PIEZO2: variants seen among roughly 807,000 people sequenced by gnomAD.
PIEZO2 encodes piezo-type mechanosensitive ion channel component 2.
A neutral mutation model predicts 337.3 loss-of-function variants in PIEZO2; 172 were observed. The observed-to-expected ratio is 0.51, with a 90% CI of 0.45 to 0.58. The LOEUF (loss-of-function observed/expected upper bound fraction) is 0.58, where lower values mean the gene tolerates loss of function less well. Ranked by LOEUF, PIEZO2 falls within the 20% of genes least tolerant of loss-of-function variation. The pLI is 0.00. For missense variants in PIEZO2, 3,028 were observed against 3,391.3 expected (o/e 0.89, Z 2.66); for synonymous variants, 1,251 against 1,228.5 (o/e 1.02, Z -0.38).
At chr18:11,091,326 G>A (rs2146040882) in intron 1 of PIEZO2, among the ~76,000 whole-genome samples, 1 of 149,532 alleles carries the variant, frequency 6.7e-6, no homozygotes, top group African/African-American at 2.5e-5. Context: ...GGAGGTTGCA[G>A]TGAGTCCAGA....
intron 2 of PIEZO2, among the ~76,000 whole-genome samples, chr18:11,063,779 A>T (rs1438082089): frequency 6.6e-6 from 1 of 152,204 alleles, no homozygotes; most frequent in Non-Finnish European, 1.5e-5. Flanking sequence ...TCAGTTTGCC[A>T]ATGTACTTTC....
At position 11,047,026 on chromosome 18, in the gene PIEZO2, G is replaced by C. The variant is rs2037342013; in HGVS notation, c.160+19101C>G. Reference sequence around the variant, plus strand: ...TTAATATTCTAGTTTATGCAATTCAGAACTACAGTATTAGGTTTTGGTAGC... The same window carrying C: ...TTAATATTCTAGTTTATGCAATTCACAACTACAGTATTAGGTTTTGGTAGC... On this transcript the variant is annotated intron_variant, in intron 2 of 55. Transcript: ENST00000674853. The surrounding 1 kb of genome is among the most constrained non-coding windows in gnomAD (Gnocchi z 7.2). 6.6e-6 allele frequency among the ~76,000 whole-genome samples: 1 copy of C among 152,194 alleles called. No individual in the cohort carries two copies. The highest frequency in any genetic ancestry group is 2.4e-5 in the African/African-American group (1 of 41,456).
chr18:10,785,302 G>A (rs900158133), intron 16 of PIEZO2, among the ~76,000 whole-genome samples: 1 of 152,076 alleles, frequency 6.6e-6, no homozygotes, highest in African/African-American at 2.4e-5. Flanking sequence ...TGGACCTCTA[G>A]AGGCTGAAAT....
At chr18:10,955,282 T>G (rs74939981) in intron 3 of PIEZO2, among the ~76,000 whole-genome samples, 1 of 152,102 alleles carries the variant, frequency 6.6e-6, no homozygotes, top group Non-Finnish European at 1.5e-5. Flanking sequence ...GCAATCGAGG[T>G]TGGGCTCAGG....
chr18:11,107,677 A>G (rs1442342867), intron 1 of PIEZO2, among the ~76,000 whole-genome samples: 4 of 152,218 alleles, frequency 2.6e-5, no homozygotes, highest in African/African-American at 7.2e-5. Flanking sequence ...GCCTAAAATT[A>G]TTAATAAATT....
At position 11,070,444 on chromosome 18, in the gene PIEZO2, G is replaced by A. The variant is rs578032423; in HGVS notation, c.65-4222C>T. Among the ~76,000 whole-genome samples, 3 of 152,282 alleles carry A rather than the reference G, an allele frequency of 2.0e-5. No individual in the cohort carries two copies. The highest frequency in any genetic ancestry group is 3.9e-4 in the East Asian group (2 of 5,174). The stretch of plus-strand genomic sequence containing the variant: ...AGGAAAGAACACTAAAGAGAGGCAC[G>A]AAGGAGGCAGGTGTTTGTCTTAGCT... On this transcript the variant is annotated intron_variant, in intron 1 of 55. Transcript: ENST00000674853. This position sits in a 1 kb window ranked among gnomAD's most constrained non-coding sequence, Gnocchi z 4.3.
At chr18:10,820,905 C>T (rs889228470) in intron 7 of PIEZO2, among the ~76,000 whole-genome samples, 2 of 152,170 alleles carry the variant, frequency 1.3e-5, no homozygotes, top group African/African-American at 2.4e-5. Flanking sequence ...CTGGCCAAAG[C>T]TAAAATATTT....
chr18:10,695,512 C>T (rs1213199262), intron 47 of PIEZO2, among the ~76,000 whole-genome samples: 2 of 152,174 alleles, frequency 1.3e-5, no homozygotes, highest in East Asian at 3.8e-4. Context: ...CAGGATGGGT[C>T]TGCGTGCTTC....
Position 10,762,600 on chromosome 18 carries a change from G to C in PIEZO2, c.3149C>G (p.Pro1050Arg), listed in dbSNP as rs536129455. 24 of 1,537,254 alleles carry C rather than the reference G, an allele frequency of 1.6e-5. No homozygotes were observed. The highest frequency in any genetic ancestry group is 3.3e-4 in the Middle Eastern group (2 of 5,986). Reference sequence around the variant, plus strand: ...CAGAGACTTGTTCAACTCATTAAAGGGGATGTTTGTTTGATTTTCATTTGG... The same window carrying C: ...CAGAGACTTGTTCAACTCATTAAAGCGGATGTTTGTTTGATTTTCATTTGG... ...SLPNENQTNI[P>R]FNELNKSLLY... The change falls in exon 23 of 56, where the codon CCC (proline) becomes CGC (arginine). Residue 1050 changes from proline (P) to arginine (R), a missense_variant. Coordinates refer to ENST00000674853, the MANE Select transcript of PIEZO2 (RefSeq NM_001378183.1).
At chr18:11,073,016 C>T (rs2038401845) in intron 1 of PIEZO2, among the ~76,000 whole-genome samples, 1 of 152,248 alleles carries the variant, frequency 6.6e-6, no homozygotes, top group African/African-American at 2.4e-5. Flanking sequence ...ATTTTTATAA[C>T]TTTGCTATGT....
At chr18:10,725,251 G>A (rs1408242769) in intron 36 of PIEZO2, 5 of 1,561,888 alleles carry the variant, frequency 3.2e-6, no homozygotes, top group Non-Finnish European at 4.4e-6. Flanking sequence ...GGCTGCCACC[G>A]GCAGGCAGCT....
chr18:10,741,500 A>G (rs1034252831), intron 32 of PIEZO2, among the ~76,000 whole-genome samples: 28 of 152,256 alleles, frequency 1.8e-4, no homozygotes, highest in African/African-American at 6.5e-4. Flanking sequence ...AATAAGCAGA[A>G]TTTTTTCTTG....
In PIEZO2 at chr18:10,837,486, C is replaced by T. The variant is rs1383739116; in HGVS notation, c.917+17867G>A. On this transcript the variant is annotated intron_variant, in intron 7 of 55. Transcript: ENST00000674853. This position sits in a 1 kb window ranked among gnomAD's most constrained non-coding sequence, Gnocchi z 4.4. ...AATGAGGATGACCCATCCTTACCAC[C>T]ATGCACATCCTTTAGAATGTTGGGG... Among the ~76,000 whole-genome samples the T allele has an allele frequency of 6.6e-6, 1 of 152,172 alleles. No individual in the cohort carries two copies. Among genetic ancestry groups the T allele is most frequent in the Non-Finnish European group, 1.5e-5 (1 of 68,024 alleles).
In PIEZO2 at chr18:11,078,036, C is replaced by T. The variant is rs1484555231; in HGVS notation, c.65-11814G>A. On this transcript the variant is annotated intron_variant, in intron 1 of 55. Transcript: ENST00000674853. The surrounding 1 kb of genome is among the most constrained non-coding windows in gnomAD (Gnocchi z 5.3). Reference sequence around the variant, plus strand: ...AAAACACATGTGCGTGCACACACACCCACACACACCCACACACACACACAC... The same window carrying T: ...AAAACACATGTGCGTGCACACACACTCACACACACCCACACACACACACAC... Among the ~76,000 whole-genome samples, 7 of 115,988 alleles carry T rather than the reference C, an allele frequency of 6.0e-5. No homozygotes were observed. The highest frequency in any genetic ancestry group is 1.0e-4 in the Non-Finnish European group (6 of 58,648). The allele number at this position is 115,988 out of a possible 152,430, so 76.1% of individuals were successfully genotyped here.
chr18:11,068,334 C>A (rs552397724), intron 1 of PIEZO2, among the ~76,000 whole-genome samples: 53 of 152,252 alleles, frequency 3.5e-4, no homozygotes, highest in African/African-American at 1.2e-3. Context: ...AGTGTCTTTT[C>A]CAACCACAAT....
chr18:10,695,605 A>G (rs760824438), intron 47 of PIEZO2, among the ~76,000 whole-genome samples: 26 of 152,142 alleles, frequency 1.7e-4, no homozygotes, highest in South Asian at 4.2e-4. Context: ...TGGAGACTCT[A>G]TCATCTGCTC....
chr18:10,906,660 A>C (rs934397293), intron 4 of PIEZO2, among the ~76,000 whole-genome samples: 2 of 152,056 alleles, frequency 1.3e-5, no homozygotes, highest in Non-Finnish European at 2.9e-5. Context: ...TCCTGGGTTC[A>C]AGCAATTCTG....
intron 49 of PIEZO2, among the ~76,000 whole-genome samples, chr18:10,685,012 A>G (rs1291709942): frequency 1.3e-5 from 2 of 152,032 alleles, no homozygotes; most frequent in African/African-American, 4.8e-5. Context: ...TGCATTTCCA[A>G]TCAGCTTCCT....
chr18:11,040,252 A>G (rs7229096), intron 2 of PIEZO2, among the ~76,000 whole-genome samples: 4,478 of 148,000 alleles, frequency 0.03, 98 homozygotes, highest in African/African-American at 0.048. Flanking sequence ...ATTATTATTG[A>G]CACCTTACGC....
Sources: allele counts gnomAD v4.1 joint callset (sites outside exome capture counted in the v4.1 genomes callset), GRCh38; gene constraint gnomAD v4.1.1; non-coding constraint Gnocchi (gnomAD v3.1); transcripts MANE v1.5; gene names NCBI Gene and HGNC (gene_info 2026-07-23, HGNC 2026-07-21).